The following NISCH variants were observed in gnomAD, a reference collection of about 807,000 sequenced individuals.
NISCH encodes I-1 receptor candidate protein.
NISCH carries 55 observed loss-of-function variants against 138.4 expected under a neutral mutation model. That is an observed-to-expected ratio of 0.40 (90% confidence interval 0.32 to 0.50). The LOEUF (loss-of-function observed/expected upper bound fraction) is 0.50, where lower values mean the gene tolerates loss of function less well. Among genes scored for constraint, NISCH ranks in the 20% least tolerant of loss-of-function variants. NISCH has a pLI of 0.71. For missense variants in NISCH, 1,643 were observed against 2,005.5 expected (o/e 0.82, Z 3.45); for synonymous variants, 860 against 861.5 (o/e 1.00, Z 0.03).
chr3:52,467,703 C>T (rs975621264), intron 3 of NISCH, among the ~76,000 whole-genome samples: 1 of 152,262 alleles, frequency 6.6e-6, no homozygotes, highest in Non-Finnish European at 1.5e-5. Flanking sequence ...TTAGCAGGAG[C>T]CGGTGGCCCT....
At position 52,492,639 on chromosome 3, in the gene NISCH, TTTCTCATG is replaced by T. The variant is rs1162275067; in HGVS notation, c.*160_*167del. 81 of 1,060,486 alleles carry T rather than the reference TTTCTCATG, an allele frequency of 7.6e-5. 3 individuals are homozygous for T. The South Asian group carries it at 1.4e-3, about 18-fold the overall frequency. 65.7% of individuals were successfully genotyped at this position (1,060,486 alleles called of 1,614,324 possible). ...ACATGTGTGTGTGTTGTGTTAATTC[TTTCTCATG>T]TTGGGAGTGAGAATGCCGGGCCCCT... On this transcript the variant is annotated 3_prime_UTR_variant, in exon 21 of 21. Transcript: ENST00000345716.
At chr3:52,465,594 C>G (rs544891592) in intron 3 of NISCH, among the ~76,000 whole-genome samples, 1 of 152,176 alleles carries the variant, frequency 6.6e-6, no homozygotes, top group African/African-American at 2.4e-5. Context: ...CTCCTGGACG[C>G]GTGGTGACAG....
chr3:52,466,451 G>T (rs987518514), intron 3 of NISCH, among the ~76,000 whole-genome samples: 1 of 151,668 alleles, frequency 6.6e-6, no homozygotes, highest in African/African-American at 2.4e-5. Context: ...TGTAATCCCA[G>T]CTACTCCAGA....
chr3:52,466,755 T>A (rs1379444055), intron 3 of NISCH, among the ~76,000 whole-genome samples: 4 of 151,898 alleles, frequency 2.6e-5, no homozygotes, highest in African/African-American at 9.7e-5. Context: ...AGTGTAGGTG[T>A]ATGTGTTTTG....
rs1271261356 is a variant in NISCH at position 52,492,188 on chromosome 3, G to C, written c.4221G>C (p.Leu1407=). 3.1e-6 allele frequency: 5 copies of C among 1,612,990 alleles called. No individual in the cohort carries two copies. Among genetic ancestry groups the C allele is most frequent in the Non-Finnish European group, 3.4e-6 (4 of 1,180,046 alleles). ...KEPPQRDRYR[L]DDGRRVRDLD... ...CGCCGCAGAGAGACAGGTACCGGCT[G>C]GACGATGGCCGCCGCGTCCGGGACC... The change falls in exon 21 of 21, where the codon CTG becomes CTC. Residue 1407 remains leucine, a synonymous_variant. Transcript: ENST00000345716.
In NISCH at chr3:52,478,404, G is replaced by A. The variant is rs779789395; in HGVS notation, c.1174-45G>A. On this transcript the variant is annotated intron_variant, in intron 10 of 20. Transcript: ENST00000345716. ...TGAAACGTGTTGGCGTGTTGCTGAA[G>A]TGTTAAGAGAAGGGACCAAAGGGGA... 1.3e-5 allele frequency: 21 copies of A among 1,612,438 alleles called. No homozygotes were observed. The South Asian group carries it at 2.0e-4, about 15-fold the overall frequency.
chr3:52,467,926 T>C (rs1217802930), intron 3 of NISCH, among the ~76,000 whole-genome samples: 26 of 152,176 alleles, frequency 1.7e-4, no homozygotes, highest in African/African-American at 6.0e-4. Context: ...GTGATTTTTT[T>C]TCTCTGTGTT....
intron 6 of NISCH, 42 bp downstream of exon 6, chr3:52,472,440 A>G (rs753456368): frequency 6.3e-5 from 95 of 1,505,328 alleles, no homozygotes; most frequent in South Asian, 1.1e-4. Flanking sequence ...CTCCCAACTC[A>G]GAGGCTAGAG....
chr3:52,473,564 G>A (rs751156264), intron 6 of NISCH, among the ~76,000 whole-genome samples, 170 bp from the exon 7 acceptor site: 7 of 152,276 alleles, frequency 4.6e-5, no homozygotes, highest in African/African-American at 7.2e-5. Context: ...ATGTTTGGTC[G>A]GCACTGACAC....
Position 52,491,906 on chromosome 3 carries a change from T to C in NISCH, c.3939T>C (p.Ser1313=). 1 of 1,610,690 alleles carries C rather than the reference T, an allele frequency of 6.2e-7. No individual in the cohort carries two copies. Among genetic ancestry groups the C allele is most frequent in the Non-Finnish European group, 8.5e-7 (1 of 1,178,202 alleles). The change falls in exon 21 of 21, where the codon AGT becomes AGC. Residue 1313 remains serine, a synonymous_variant. Transcript: ENST00000345716. ...AGAACTACGAGCTGATCCACTCTAG[T>C]CGCGTCAAGTTTACCTACCCCAGTG... ...KMENYELIHS[S]RVKFTYPSEE...
intron 13 of NISCH, among the ~76,000 whole-genome samples, chr3:52,482,452 A>C (rs979800726): frequency 7.9e-5 from 12 of 152,038 alleles, no homozygotes; most frequent in Non-Finnish European, 1.8e-4. Flanking sequence ...CTGTGTGGAG[A>C]GGTGGTTAGG....
chr3:52,471,854 AC>A lies in NISCH; in HGVS notation c.454del (p.Leu152CysfsTer73). ...GGGCCGGCGAGGTCTTTGCCATTGG[AC>A]CCCTGCAGCTGTATGCCGTCACGGA... is the stretch of plus-strand genomic sequence containing the variant. ...LGAGEVFAIG[P>X]LQLYAVTEQL... On this transcript the variant is annotated frameshift_variant, in exon 5 of 21. Coordinates refer to ENST00000345716, the MANE Select transcript of NISCH (RefSeq NM_007184.4). LOFTEE classifies it high-confidence loss of function. 6.2e-7 allele frequency: 1 copy of A among 1,613,598 alleles called. No individual in the cohort carries two copies.
chr3:52,491,618 T>C (rs901644754), intron 20 of NISCH, 105 bp downstream of exon 20: 3 of 1,321,130 alleles, frequency 2.3e-6, no homozygotes, highest in Non-Finnish European at 3.1e-6. Context: ...TATGTCTCTC[T>C]TTTCTCACTT....
intron 3 of NISCH, among the ~76,000 whole-genome samples, chr3:52,460,156 G>C (rs957914606): frequency 7.0e-6 from 1 of 142,728 alleles, no homozygotes; most frequent in African/African-American, 2.7e-5. Flanking sequence ...ACTCCAGCCT[G>C]GGCAACAGAG....
chr3:52,467,610 A>G (rs1003214371), intron 3 of NISCH, among the ~76,000 whole-genome samples: 6 of 152,244 alleles, frequency 3.9e-5, no homozygotes, highest in African/African-American at 1.2e-4. Context: ...GTGTTGCAGC[A>G]GTATGTACTT....
At chr3:52,477,738 G>A (rs964059728) in intron 9 of NISCH, 96 bp downstream of exon 9, 14 of 1,022,226 alleles carry the variant, frequency 1.4e-5, no homozygotes, top group African/African-American at 6.3e-5. Context: ...TTGGCCAGGG[G>A]TTGTAAGGGC....
Position 52,489,585 on chromosome 3 carries a change from C to A in NISCH, c.3363C>A (p.Ile1121=). 6.2e-7 allele frequency: 1 copy of A among 1,613,218 alleles called. No homozygotes were observed. The highest frequency in any genetic ancestry group is 8.5e-7 in the Non-Finnish European group (1 of 1,179,986). Residue 1121 remains isoleucine (I), a synonymous_variant, in exon 17 of 21, where the codon ATC becomes ATA. Coordinates refer to ENST00000345716, the MANE Select transcript of NISCH (RefSeq NM_007184.4). ...LIQATSEENQ[I]PSHLPACPSL... is the part of the protein sequence containing the mutation. ...AGGCCACCTCGGAGGAGAATCAGAT[C>A]CCCTCGCACTTGCCTGCCTGCCCGT... is the stretch of plus-strand genomic sequence containing the variant.
chr3:52,479,644 C>G (rs1707209939), intron 11 of NISCH, 105 bp from the exon 12 acceptor site: 1 of 836,314 alleles, frequency 1.2e-6, no homozygotes, highest in Non-Finnish European at 1.9e-6. Flanking sequence ...GCCCTACCAT[C>G]CTCCTGCCAT....
chr3:52,471,565 C>T (rs892855275), intron 4 of NISCH: 5 of 572,626 alleles, frequency 8.7e-6, no homozygotes, highest in Non-Finnish European at 1.6e-5. Flanking sequence ...CGGCCTCACT[C>T]CTCCCTCAGT....
Sources: gnomAD v4.1 joint callset for allele counts (sites outside exome capture counted in the v4.1 genomes callset) on GRCh38, gnomAD v4.1.1 for gene constraint, MANE v1.5 for transcripts, NCBI Gene and HGNC (gene_info 2026-07-23, HGNC 2026-07-21) for gene names.